The following SLC39A8 variants were observed in gnomAD, a reference collection of about 807,000 sequenced individuals.
SLC39A8 encodes metal cation symporter ZIP8.
Under a neutral mutation model 40.4 loss-of-function variants are expected in SLC39A8, and 15 were observed. The ratio of observed to expected loss-of-function variants is 0.37; its 90% confidence interval spans 0.25 to 0.57. The LOEUF is 0.57. Ranked by LOEUF, SLC39A8 falls within the 20% of genes least tolerant of loss-of-function variation. SLC39A8 has a pLI of 0.75. For synonymous variants in SLC39A8, 223 were observed against 221.6 expected, an observed-to-expected ratio of 1.01 and a Z score of -0.06; for missense variants, 472 against 558.8, an observed-to-expected ratio of 0.84 and a Z score of 1.57.
chr4:102,295,407 T>C (rs2149027388), intron 6 of SLC39A8, among the ~76,000 whole-genome samples: 2 of 152,168 alleles, frequency 1.3e-5, no homozygotes, highest in South Asian at 4.1e-4. Context: ...ATCAAAGTAG[T>C]CCATGACTGA....
intron 6 of SLC39A8, among the ~76,000 whole-genome samples, chr4:102,273,816 T>C (rs1054932698): frequency 6.6e-6 from 1 of 151,796 alleles, no homozygotes; most frequent in African/African-American, 2.4e-5. Context: ...GGGGATGGAG[T>C]GGACCCCCAG....
chr4:102,336,269 C>T (rs1053406038), intron 2 of SLC39A8, among the ~76,000 whole-genome samples: 1 of 152,032 alleles, frequency 6.6e-6, no homozygotes, highest in Non-Finnish European at 1.5e-5. Flanking sequence ...TCTCAATTTA[C>T]GGATGTGAAA....
intron 6 of SLC39A8, among the ~76,000 whole-genome samples, chr4:102,288,467 A>G (rs1578578255): frequency 6.6e-6 from 1 of 152,094 alleles, no homozygotes; most frequent in African/African-American, 2.4e-5. Flanking sequence ...AATGGCCTCT[A>G]TGTGATCAGG....
chr4:102,262,174 T>C lies in SLC39A8; in HGVS notation c.*870A>G, dbSNP rs1171344289. On this transcript the variant is annotated 3_prime_UTR_variant, in exon 9 of 9. Coordinates refer to ENST00000356736, the MANE Select transcript of SLC39A8 (RefSeq NM_001135146.2). ...TCTGCTAAATAGTTATGTTTGTCTTTAAAAGTAAATTGCATAAAATTACAT... is the reference window on the plus strand; with the variant it reads ...TCTGCTAAATAGTTATGTTTGTCTTCAAAAGTAAATTGCATAAAATTACAT... 8 of 985,956 alleles carry C rather than the reference T, an allele frequency of 8.1e-6. No homozygotes were observed. In the African/African-American group the frequency reaches 1.4e-4, roughly 17 times the overall value. 61.1% of individuals were successfully genotyped at this position (985,956 alleles called of 1,614,324 possible). A position where few individuals can be genotyped will look rare whatever the true frequency, so the allele number is the denominator to read the frequency against.
intron 6 of SLC39A8, among the ~76,000 whole-genome samples, chr4:102,279,029 G>A (rs751637098): frequency 6.6e-6 from 1 of 151,982 alleles, no homozygotes; most frequent in Non-Finnish European, 1.5e-5. Flanking sequence ...ATAGCATTAG[G>A]AGAAATAACT....
rs147207616 is a variant in SLC39A8, at chr4:102,286,289, A to G, written c.840+18028T>C. Among the ~76,000 whole-genome samples, 862 of 152,272 alleles carry G rather than the reference A, an allele frequency of 5.7e-3. 3 individuals are homozygous for G. Among genetic ancestry groups the G allele is most frequent in the Middle Eastern group, 0.014 (4 of 294 alleles). The stretch of plus-strand genomic sequence containing the variant: ...GGTTCATTTTTCAAGAGAAAAATGT[A>G]TTGGCATTCATTATTAACTTTTTTT... On this transcript the variant is annotated intron_variant, in intron 6 of 8. Coordinates refer to ENST00000356736, the MANE Select transcript of SLC39A8 (RefSeq NM_001135146.2).
At chr4:102,295,574 C>T (rs1398773414) in intron 6 of SLC39A8, among the ~76,000 whole-genome samples, 1 of 152,046 alleles carries the variant, frequency 6.6e-6, no homozygotes, top group Non-Finnish European at 1.5e-5. Context: ...TAGGGTCTCA[C>T]TGTTGCCCAG....
At chr4:102,299,832 C>G (rs1733840237) in intron 6 of SLC39A8, among the ~76,000 whole-genome samples, 1 of 151,968 alleles carries the variant, frequency 6.6e-6, no homozygotes, top group Non-Finnish European at 1.5e-5. Context: ...CCTCTAGTGG[C>G]CTTGAAGAGC....
At chr4:102,256,483 G>T (rs892724615) in intron 11 of SLC39A8, among the ~76,000 whole-genome samples, 1 of 152,114 alleles carries the variant, frequency 6.6e-6, no homozygotes, top group Non-Finnish European at 1.5e-5. Context: ...CTAGTCAAAA[G>T]ATTCTTATCT....
chr4:102,271,184 A>G (rs1732348648), intron 6 of SLC39A8, among the ~76,000 whole-genome samples: 1 of 152,110 alleles, frequency 6.6e-6, no homozygotes, highest in African/African-American at 2.4e-5. Flanking sequence ...AGCAAGCATG[A>G]GTAAGAGGAG....
intron 2 of SLC39A8, among the ~76,000 whole-genome samples, chr4:102,333,996 C>T (rs756675802): frequency 7.2e-5 from 11 of 152,094 alleles, no homozygotes; most frequent in Non-Finnish European, 1.6e-4. Context: ...ATTATCAGAG[C>T]GGTGAGGCCT....
intron 6 of SLC39A8, among the ~76,000 whole-genome samples, chr4:102,268,311 T>C (rs564988692): frequency 6.6e-6 from 1 of 152,384 alleles, no homozygotes; most frequent in South Asian, 2.1e-4. Context: ...TATTTTCCTT[T>C]ACTTTCCCTT....
intron 6 of SLC39A8, among the ~76,000 whole-genome samples, chr4:102,296,280 A>G (rs1172030655): frequency 6.6e-6 from 1 of 152,236 alleles, no homozygotes; most frequent in East Asian, 1.9e-4. Context: ...ACCTAGAAGG[A>G]ACATATACAA....
chr4:102,270,334 A>AT lies in SLC39A8; in HGVS notation c.841-2256dup, dbSNP rs1328689040. ...TTATTGACTCTATTTATTATGCCTC[A>AT]TGCTTTGGTCCCAAATGATACTGTT... On this transcript the variant is annotated intron_variant, in intron 6 of 8. Coordinates refer to ENST00000356736, the MANE Select transcript of SLC39A8 (RefSeq NM_001135146.2). Among the ~76,000 whole-genome samples the AT allele has an allele frequency of 2.0e-5, 3 of 152,190 alleles. No individual in the cohort carries two copies. In the East Asian group the frequency reaches 5.8e-4, roughly 29 times the overall value.
At position 102,262,679 on chromosome 4, in the gene SLC39A8, T is replaced by A. The variant is rs1299829404; in HGVS notation, c.*365A>T. ...ACCATTTGAATCTTTGATCCTACCA[T>A]AGAGTTTTAAAGGCTTTCAGGATAT... On this transcript the variant is annotated 3_prime_UTR_variant, in exon 9 of 9. Transcript: ENST00000356736. 3.0e-6 allele frequency: 3 copies of A among 996,222 alleles called. No individual in the cohort carries two copies. The African/African-American group carries it at 5.2e-5, about 17-fold the overall frequency. 61.7% of individuals were successfully genotyped at this position (996,222 alleles called of 1,614,324 possible). A position where few individuals can be genotyped will look rare whatever the true frequency, so the allele number is the denominator to read the frequency against.
At chr4:102,326,719 A>G (rs1350267841) in intron 2 of SLC39A8, among the ~76,000 whole-genome samples, 1 of 152,214 alleles carries the variant, frequency 6.6e-6, no homozygotes, top group African/African-American at 2.4e-5. Context: ...ATAATTTTTA[A>G]GAGTACAAGG....
intron 6 of SLC39A8, among the ~76,000 whole-genome samples, chr4:102,270,224 G>C (rs1405453299): frequency 6.6e-6 from 1 of 152,014 alleles, no homozygotes; most frequent in Non-Finnish European, 1.5e-5. Context: ...TATCACTACA[G>C]AGTCTGTATA....
At chr4:102,263,873 T>C (rs887787193) in intron 8 of SLC39A8, among the ~76,000 whole-genome samples, 1 of 152,174 alleles carries the variant, frequency 6.6e-6, no homozygotes, top group Non-Finnish European at 1.5e-5. Context: ...CCCTCATTCA[T>C]TCTAGTTTAA....
chr4:102,313,002 GAAATAT>G (rs1734509820), intron 3 of SLC39A8, among the ~76,000 whole-genome samples: 1 of 152,078 alleles, frequency 6.6e-6, no homozygotes, highest in South Asian at 2.1e-4. Flanking sequence ...CAGGCTTGTA[GAAATAT>G]AAATATACTC....
Sources: allele counts gnomAD v4.1 joint callset (sites outside exome capture counted in the v4.1 genomes callset), GRCh38; gene constraint gnomAD v4.1.1; transcripts MANE v1.5; gene names NCBI Gene and HGNC (gene_info 2026-07-23, HGNC 2026-07-21).